Variants in DNAAF4 observed in about 807,000 individuals in gnomAD.
DNAAF4 encodes the protein dynein axonemal assembly factor 4.
DNAAF4 carries 43 observed loss-of-function variants against 51.8 expected under a neutral mutation model. The ratio of observed to expected loss-of-function variants is 0.83; its 90% CI spans 0.65 to 1.07. The LOEUF is 1.07. DNAAF4 is among the 50% of genes least tolerant of loss of function. The pLI is 0.00. For synonymous variants in DNAAF4, 194 were observed against 165.6 expected (o/e 1.17, Z -1.32); for missense variants, 581 against 493.0 (o/e 1.18, Z -1.69).
intron 3 of DNAAF4, among the ~76,000 whole-genome samples, chr15:55,495,623 T>C (rs2141597798): frequency 6.6e-6 from 1 of 152,290 alleles, no homozygotes; most frequent in Middle Eastern, 3.4e-3. Context: ...TAGTCCCTGC[T>C]ACTCAGGAGG....
intron 5 of DNAAF4, among the ~76,000 whole-genome samples, chr15:55,460,182 TATTTA>T (rs1567016904): frequency 9.6e-5 from 12 of 124,572 alleles, no homozygotes; most frequent in Admixed American, 7.9e-5. Flanking sequence ...TTTACTTATT[TATTTA>T]TTTTTTTTTT....
At chr15:55,429,573 T>C (rs2057466705), downstream of DNAAF4, among the ~76,000 whole-genome samples, 1 of 149,054 alleles carries the variant, frequency 6.7e-6, no homozygotes, top group South Asian at 2.1e-4. Flanking sequence ...AATCCAGCAC[T>C]TTGGGAGGCC....
intron 5 of DNAAF4, among the ~76,000 whole-genome samples, chr15:55,460,038 T>C (rs2058072304): frequency 6.6e-6 from 1 of 151,710 alleles, no homozygotes; most frequent in South Asian, 2.1e-4. Context: ...AAGCAGACTT[T>C]AAAGCAACAA....
At chr15:55,481,650 A>C (rs2058412198) in intron 4 of DNAAF4, among the ~76,000 whole-genome samples, 1 of 152,154 alleles carries the variant, frequency 6.6e-6, no homozygotes, top group Non-Finnish European at 1.5e-5. Flanking sequence ...AATCCGCACG[A>C]AGCAATTACA....
intron 4 of DNAAF4, among the ~76,000 whole-genome samples, chr15:55,469,421 C>G (rs1209527811): frequency 6.7e-6 from 1 of 149,942 alleles, no homozygotes; most frequent in African/African-American, 2.5e-5. Context: ...TCACAACACT[C>G]CATAGGTCAC....
At chr15:55,465,298 C>T (rs986988592) in intron 5 of DNAAF4, among the ~76,000 whole-genome samples, 3 of 151,986 alleles carry the variant, frequency 2.0e-5, no homozygotes, top group Non-Finnish European at 4.4e-5. Context: ...CTTGCACACT[C>T]ATGTTTATAG....
At chr15:55,455,132 T>TTA (rs1555416482) in intron 5 of DNAAF4, among the ~76,000 whole-genome samples, 2 of 148,052 alleles carry the variant, frequency 1.4e-5, no homozygotes, top group East Asian at 2.0e-4. Context: ...TTTTTTTTTT[T>TTA]AAAAAAACCT....
At chr15:55,498,082 TAATAGGA>T in intron 2 of DNAAF4, 118 bp downstream of exon 2, 4 of 1,515,158 alleles carry the variant, frequency 2.6e-6, no homozygotes, top group Admixed American at 4.5e-5. Flanking sequence ...TTCATTTTTT[TAATAGGA>T]TTAAAAATTT....
intron 4 of DNAAF4, among the ~76,000 whole-genome samples, chr15:55,471,764 C>T (rs374097029): frequency 1.7e-4 from 26 of 152,248 alleles, no homozygotes; most frequent in East Asian, 1.4e-3. Flanking sequence ...CTGCCCGCCT[C>T]GGCCTCCCAA....
chr15:55,422,502 C>G (rs1188471646), intron 7 of DNAAF4, among the ~76,000 whole-genome samples: 1 of 151,936 alleles, frequency 6.6e-6, no homozygotes, highest in East Asian at 1.9e-4. Context: ...AGGCAAAGAA[C>G]AAGAAGAAAC....
intron 5 of DNAAF4, among the ~76,000 whole-genome samples, chr15:55,462,604 T>TAATACCA (rs2058108799): frequency 1.4e-5 from 2 of 140,218 alleles, no homozygotes; most frequent in South Asian, 4.5e-4. Flanking sequence ...AGTACTACCC[T>TAATACCA]AATACCAAAA....
intron 1 of DNAAF4, among the ~76,000 whole-genome samples, chr15:55,500,744 C>G (rs151127632): frequency 0.04 from 6,132 of 151,972 alleles, 412 homozygotes; most frequent in African/African-American, 0.14. Flanking sequence ...TGTAATCCCA[C>G]CACTTTGGAA....
At chr15:55,473,198 A>AAAAATATATATATATATATAT (rs1209754897) in intron 4 of DNAAF4, among the ~76,000 whole-genome samples, 4 of 75,750 alleles carry the variant, frequency 5.3e-5, no homozygotes, top group African/African-American at 2.1e-4. Flanking sequence ...AAAAAAAAAA[A>AAAAATATATATATATATATAT]ATATATATAT....
intron 5 of DNAAF4, among the ~76,000 whole-genome samples, chr15:55,466,535 G>C (rs2058173141): frequency 6.6e-6 from 1 of 152,186 alleles, no homozygotes; most frequent in South Asian, 2.1e-4. Flanking sequence ...ATTTTCCTAA[G>C]TGATGTGAGG....
intron 5 of DNAAF4, among the ~76,000 whole-genome samples, chr15:55,458,378 A>C (rs909698586): frequency 1.3e-5 from 2 of 152,222 alleles, no homozygotes; most frequent in Non-Finnish European, 2.9e-5. Flanking sequence ...AGACACACTT[A>C]AAGAAATGCA....
chr15:55,451,362 T>C (rs1441073241), intron 5 of DNAAF4, among the ~76,000 whole-genome samples: 1 of 152,188 alleles, frequency 6.6e-6, no homozygotes, highest in Non-Finnish European at 1.5e-5. Context: ...GGCTTGAACC[T>C]ACCTAATACA....
rs532538072 is a variant in DNAAF4, at chr15:55,466,052, A to G, written c.637+878T>C. ...GAAATCACCACTAAAGAACTTATAC[A>G]TGTAACCAAACACCACCTGTTTCCC... On this transcript the variant is annotated intron_variant, in intron 5 of 9. Transcript: ENST00000321149. 2.0e-5 allele frequency among the ~76,000 whole-genome samples: 3 copies of G among 152,328 alleles called. No homozygotes were observed. The South Asian group carries it at 6.2e-4, about 32-fold the overall frequency.
At chr15:55,477,602 A>T (rs1407605487) in intron 4 of DNAAF4, among the ~76,000 whole-genome samples, 2 of 152,054 alleles carry the variant, frequency 1.3e-5, no homozygotes, top group African/African-American at 4.8e-5. Flanking sequence ...CTGAAAAATA[A>T]ATTTTAAAAA....
intron 1 of DNAAF4, among the ~76,000 whole-genome samples, chr15:55,499,049 G>C (rs1408277272): frequency 6.6e-6 from 1 of 152,114 alleles, no homozygotes; most frequent in African/African-American, 2.4e-5. Context: ...ATGCCCATAC[G>C]CCCTTGGTGC....
Sources: gnomAD v4.1 joint callset for allele counts (sites outside exome capture counted in the v4.1 genomes callset) on GRCh38, gnomAD v4.1.1 for gene constraint, MANE v1.5 for transcripts, NCBI Gene and HGNC (gene_info 2026-07-23, HGNC 2026-07-21) for gene names.